Variants in SLCO1B3 observed in about 807,000 individuals in gnomAD.
The protein encoded by SLCO1B3 is liver-specific organic anion transporter 2.
In SLCO1B3, 72 loss-of-function variants were observed where a neutral mutation model predicts 71.8. That is an observed-to-expected ratio of 1.00 (90% CI 0.83 to 1.22). The LOEUF is 1.22. Among genes scored for constraint, SLCO1B3 ranks in the 50% most tolerant of loss-of-function variants. The pLI is 0.00. For synonymous variants in SLCO1B3, 298 were observed against 278.4 expected, an observed-to-expected ratio of 1.07 and a Z score of -0.70; for missense variants, 911 against 819.7, an observed-to-expected ratio of 1.11 and a Z score of -1.36.
In SLCO1B3 at chr12:20,877,841, T is replaced by A. The variant is rs776021373; in HGVS notation, c.1040T>A (p.Leu347Ter). ...GTTATATTTCTGCTTTTGACATTGT[T>A]ACAAGTAAGCAGCTTTATTGGTTCT... ...LYVIFLLLTL[L>*]QVSSFIGSFT... The change falls in exon 10 of 16, where the codon TTA (leucine) becomes TAA (stop). Residue 347 changes from leucine (L) to a stop codon, truncating the protein, a stop_gained. Coordinates refer to ENST00000381545, the MANE Select transcript of SLCO1B3 (RefSeq NM_019844.4). LOFTEE classifies it high-confidence loss of function. 2 of 1,584,260 alleles carry A rather than the reference T, an allele frequency of 1.3e-6. No homozygotes were observed. The highest frequency in any genetic ancestry group is 1.7e-6 in the Non-Finnish European group (2 of 1,165,886).
At chr12:20,888,292 G>A (rs1190169475) in intron 13 of SLCO1B3, among the ~76,000 whole-genome samples, 1 of 151,760 alleles carries the variant, frequency 6.6e-6, no homozygotes, top group Non-Finnish European at 1.5e-5. Flanking sequence ...TGGGCAGGAT[G>A]GTCATTTTAC....
rs560757589 is a variant in SLCO1B3, at chr12:20,896,784, G to A, written c.1683-1652G>A. 9.2e-5 allele frequency among the ~76,000 whole-genome samples: 14 copies of A among 152,140 alleles called. 1 individual carries two copies. Among genetic ancestry groups the A allele is most frequent in the East Asian group, 5.8e-4 (3 of 5,166 alleles). On this transcript the variant is annotated intron_variant, in intron 13 of 15. Coordinates refer to ENST00000381545, the MANE Select transcript of SLCO1B3 (RefSeq NM_019844.4). ...ATTTACTGTATTAGTTTGTTTTTAC[G>A]CTGCTGATAAAGACATACCTGAGAC...
At chr12:20,914,780 T>C (rs1054971796) in intron 15 of SLCO1B3, among the ~76,000 whole-genome samples, 1 of 152,182 alleles carries the variant, frequency 6.6e-6, no homozygotes. Context: ...TTTCATATGG[T>C]ACAGAATTTT....
Position 20,905,701 on chromosome 12 carries a change from A to C in SLCO1B3, c.1865+4234A>C, listed in dbSNP as rs561954327. Among the ~76,000 whole-genome samples the C allele has an allele frequency of 5.9e-5, 9 of 152,320 alleles. 1 individual carries two copies. In the South Asian group the frequency reaches 1.7e-3, roughly 28 times the overall value. On this transcript the variant is annotated intron_variant, in intron 15 of 15. Transcript: ENST00000381545. ...TAAGTTCCTCATCTCCATCTGAGAC[A>C]ATCCTGAACTTCATTGTCCATATCA...
In SLCO1B3 at chr12:20,875,329, A is replaced by T; in HGVS notation, c.822A>T (p.Ile274=). ...VSGLFSIISS[I]PFFFLPKNPN... is the part of the protein sequence containing the mutation. The stretch of plus-strand genomic sequence containing the variant: ...GACTATTTTCCATTATTTCTTCCAT[A>T]CCATTTTTTTTCTTGCCGAAAAATC... Residue 274 remains isoleucine (I), a synonymous_variant, in exon 9 of 16, where the codon ATA becomes ATT. Transcript: ENST00000381545. The T allele has an allele frequency of 6.2e-7, 1 of 1,613,354 alleles. No homozygotes were observed. The highest frequency in any genetic ancestry group is 8.5e-7 in the Non-Finnish European group (1 of 1,179,598).
intron 15 of SLCO1B3, among the ~76,000 whole-genome samples, chr12:20,908,850 T>C (rs1190586252): frequency 6.6e-6 from 1 of 152,226 alleles, no homozygotes. Context: ...ATAAAAGTTA[T>C]CCATGTGCCA....
At chr12:20,829,348 G>A (rs1177942970) in intron 3 of SLCO1B3, among the ~76,000 whole-genome samples, 2 of 152,218 alleles carry the variant, frequency 1.3e-5, no homozygotes, top group African/African-American at 4.8e-5. Context: ...CCTAGAAGCA[G>A]GGAAAACTCA....
At chr12:20,825,023 T>G (rs1253234303) in intron 3 of SLCO1B3, among the ~76,000 whole-genome samples, 3 of 152,182 alleles carry the variant, frequency 2.0e-5, no homozygotes, top group Non-Finnish European at 4.4e-5. Flanking sequence ...CAATGAGCCC[T>G]AAGAGAGACT....
intron 11 of SLCO1B3, among the ~76,000 whole-genome samples, chr12:20,879,883 A>G (rs994741838): frequency 1.3e-5 from 2 of 152,132 alleles, no homozygotes; most frequent in Non-Finnish European, 2.9e-5. Context: ...TGAGTGGTAG[A>G]CACTTTTACC....
At chr12:20,846,044 T>C (rs1864912799) in intron 3 of SLCO1B3, among the ~76,000 whole-genome samples, 1 of 152,124 alleles carries the variant, frequency 6.6e-6, no homozygotes. Context: ...GAGCTATTCT[T>C]ACATCAGATA....
chr12:20,877,760 A>T lies in SLCO1B3; in HGVS notation c.971-12A>T, dbSNP rs776721679. On this transcript the variant is annotated splice_polypyrimidine_tract_variant and intron_variant, in intron 9 of 15. Transcript: ENST00000381545. ...TTTATTATTGAAATATGTTATTTTT[A>T]TAACTCTATAGGTTTTTTCCAGTCT... 2.4e-6 allele frequency: 3 copies of T among 1,231,086 alleles called. No homozygotes were observed. The highest frequency in any genetic ancestry group is 3.2e-6 in the Non-Finnish European group (3 of 926,440). 76.3% of individuals were successfully genotyped at this position (1,231,086 alleles called of 1,614,324 possible). A position where few individuals can be genotyped will look rare whatever the true frequency, so the allele number is the denominator to read the frequency against.
chr12:20,860,850 C>T (rs1448917124), intron 5 of SLCO1B3, among the ~76,000 whole-genome samples, 167 bp from the exon 6 acceptor site: 2 of 152,116 alleles, frequency 1.3e-5, no homozygotes, highest in Non-Finnish European at 2.9e-5. Flanking sequence ...ATTTCACCCC[C>T]TCTCATCACC....
chr12:20,859,496 T>TC (rs1565592106), intron 5 of SLCO1B3, among the ~76,000 whole-genome samples: 3 of 146,958 alleles, frequency 2.0e-5, no homozygotes, highest in East Asian at 2.1e-4. Context: ...TTTTTCCCCC[T>TC]CTACATTTGG....
Position 20,841,652 on chromosome 12 carries a change from G to A in SLCO1B3, c.85-13376G>A, listed in dbSNP as rs1184488027. The stretch of plus-strand genomic sequence containing the variant: ...GTAAATTGTGTGTCATGGGAGTTTG[G>A]TGTACAGATTATTTCAGCACTCAGA... On this transcript the variant is annotated intron_variant, in intron 3 of 15. Transcript: ENST00000381545. Among the ~76,000 whole-genome samples, 5 of 152,172 alleles carry A rather than the reference G, an allele frequency of 3.3e-5. No homozygotes were observed. The East Asian group carries it at 7.7e-4, about 24-fold the overall frequency.
chr12:20,878,620 T>C (rs369551816), intron 10 of SLCO1B3, among the ~76,000 whole-genome samples: 25 of 152,114 alleles, frequency 1.6e-4, no homozygotes, highest in Admixed American at 3.9e-4. Flanking sequence ...AAAGTAATAA[T>C]TAGAAAATGA....
chr12:20,829,262 A>T (rs1043944963), intron 3 of SLCO1B3, among the ~76,000 whole-genome samples: 1 of 152,216 alleles, frequency 6.6e-6, no homozygotes, highest in African/African-American at 2.4e-5. Flanking sequence ...GTAATTAAGG[A>T]GAATTTCCAA....
At chr12:20,832,181 A>C (rs1339709536) in intron 3 of SLCO1B3, among the ~76,000 whole-genome samples, 1 of 152,178 alleles carries the variant, frequency 6.6e-6, no homozygotes, top group Non-Finnish European at 1.5e-5. Flanking sequence ...ATTCAGTATC[A>C]AACAACCATG....
Position 20,916,161 on chromosome 12 carries a change from A to C in SLCO1B3, c.2023A>C (p.Asn675His). Residue 675 changes from asparagine (N) to histidine (H), a missense_variant, in exon 16 of 16, where the codon AAT becomes CAT. Asn to His is a moderately conservative substitution (Grantham distance 68). Transcript: ENST00000381545. ...GGATGAAGCAAACTTAGAATTCTTAAATAATGGTGAACATTTTGTACCTTC... is the reference window on the plus strand; with the variant it reads ...GGATGAAGCAAACTTAGAATTCTTACATAATGGTGAACATTTTGTACCTTC... ...VMDEANLEFLNNGEHFVPSAG... is the reference protein window; with the variant it reads ...VMDEANLEFLHNGEHFVPSAG... The C allele has an allele frequency of 6.2e-7, 1 of 1,612,776 alleles. No homozygotes were observed. The highest frequency in any genetic ancestry group is 8.5e-7 in the Non-Finnish European group (1 of 1,178,882).
At chr12:20,814,693 A>G (rs11608908) in intron 2 of SLCO1B3, among the ~76,000 whole-genome samples, 1 of 152,070 alleles carries the variant, frequency 6.6e-6, no homozygotes, top group Non-Finnish European at 1.5e-5. Context: ...GATCGAGACC[A>G]TGCTGGCTAA....
Sources: gnomAD v4.1 joint callset for allele counts (sites outside exome capture counted in the v4.1 genomes callset) on GRCh38, gnomAD v4.1.1 for gene constraint, MANE v1.5 for transcripts, NCBI Gene and HGNC (gene_info 2026-07-23, HGNC 2026-07-21) for gene names.